Variants in ROBO2 observed in about 807,000 individuals in gnomAD.
The protein encoded by ROBO2 is roundabout homolog 2.
A neutral mutation model predicts 160.8 loss-of-function variants in ROBO2; 53 were observed. The observed-to-expected ratio is 0.33, with a 90% CI of 0.26 to 0.41. The LOEUF (loss-of-function observed/expected upper bound fraction) is 0.41. ROBO2 is among the 10% of genes least tolerant of loss of function. The pLI, the probability that ROBO2 is intolerant of heterozygous loss-of-function variation, is 1.00. For missense variants in ROBO2, 1,577 were observed against 1,722.4 expected (o/e 0.92, Z 1.49); for synonymous variants, 664 against 611.7 (o/e 1.09, Z -1.26).
chr3:76,188,216 CT>C (rs776293351), intron 2 of ROBO2, among the ~76,000 whole-genome samples: 77 of 152,006 alleles, frequency 5.1e-4, no homozygotes, highest in Non-Finnish European at 7.9e-4. Context: ...TGAATGTGAC[CT>C]TTTTGGAAAC....
intron 2 of ROBO2, among the ~76,000 whole-genome samples, chr3:76,867,208 T>A (rs761870736): frequency 6.6e-6 from 1 of 152,174 alleles, no homozygotes; most frequent in Non-Finnish European, 1.5e-5. Flanking sequence ...TTGAACTTTG[T>A]TCTCCAGGAA....
At chr3:76,041,504 C>A (rs2067272755) in intron 2 of ROBO2, among the ~76,000 whole-genome samples, 1 of 152,002 alleles carries the variant, frequency 6.6e-6, no homozygotes, top group African/African-American at 2.4e-5. Context: ...GTCTGTATGT[C>A]AAATGCATTA....
At chr3:76,336,822 A>G (rs1280221534) in intron 2 of ROBO2, among the ~76,000 whole-genome samples, 1 of 152,174 alleles carries the variant, frequency 6.6e-6, no homozygotes, top group Non-Finnish European at 1.5e-5. Context: ...TCGTAAGAGC[A>G]TTTAACAGGA....
intron 2 of ROBO2, among the ~76,000 whole-genome samples, chr3:77,105,770 C>T (rs2072709726): frequency 6.6e-6 from 1 of 152,150 alleles, no homozygotes; most frequent in Non-Finnish European, 1.5e-5. Context: ...CTCTGACTCC[C>T]AGGAAAGCAC....
chr3:77,370,910 A>C (rs371526246), intron 2 of ROBO2, among the ~76,000 whole-genome samples: 2 of 152,138 alleles, frequency 1.3e-5, no homozygotes, highest in Non-Finnish European at 2.9e-5. Context: ...TCTCTGCCCT[A>C]GATAGTCCAG....
At chr3:76,650,491 T>G (rs1560305526) in intron 2 of ROBO2, among the ~76,000 whole-genome samples, 1 of 151,746 alleles carries the variant, frequency 6.6e-6, no homozygotes, top group Non-Finnish European at 1.5e-5. Context: ...CTTTTTTTTT[T>G]TATTTTTTTC....
intron 2 of ROBO2, among the ~76,000 whole-genome samples, chr3:77,125,322 G>A (rs968590725): frequency 4.6e-5 from 7 of 152,146 alleles, no homozygotes; most frequent in African/African-American, 1.7e-4. Flanking sequence ...TATAGTGAAG[G>A]AAGAGATTTG....
At position 76,125,551 on chromosome 3, in the gene ROBO2, C is replaced by T. The variant is rs142332804; in HGVS notation, c.109+187949C>T. Among the ~76,000 whole-genome samples, 13 of 152,058 alleles carry T rather than the reference C, an allele frequency of 8.5e-5. No homozygotes were observed. In the East Asian group the frequency reaches 1.2e-3, roughly 14 times the overall value. ...AACAACAGCCATTCTGACTGGTCTGCGGTGTTATCTCATTGTGGTTTGGAT... is the reference window on the plus strand; with the variant it reads ...AACAACAGCCATTCTGACTGGTCTGTGGTGTTATCTCATTGTGGTTTGGAT... On this transcript the variant is annotated intron_variant, in intron 2 of 26. Transcript: ENST00000487694.
intron 2 of ROBO2, among the ~76,000 whole-genome samples, chr3:76,010,162 A>C (rs2066153174): frequency 6.6e-6 from 1 of 152,246 alleles, no homozygotes; most frequent in Non-Finnish European, 1.5e-5. Flanking sequence ...CCTGGGGCTT[A>C]GTCCAGAGGA....
At chr3:76,191,118 C>T (rs1161795838) in intron 2 of ROBO2, among the ~76,000 whole-genome samples, 1 of 152,068 alleles carries the variant, frequency 6.6e-6, no homozygotes, top group African/African-American at 2.4e-5. Flanking sequence ...CAGGTTTAGA[C>T]TACAGAGCAA....
chr3:76,328,369 T>A (rs1465156163), intron 2 of ROBO2, among the ~76,000 whole-genome samples: 2 of 152,222 alleles, frequency 1.3e-5, no homozygotes, highest in African/African-American at 4.8e-5. Flanking sequence ...CAATTCAACG[T>A]TAGGTACTAG....
At chr3:76,142,941 CACAAAA>C (rs1327505087) in intron 2 of ROBO2, among the ~76,000 whole-genome samples, 3 of 149,180 alleles carry the variant, frequency 2.0e-5, no homozygotes, top group Non-Finnish European at 3.0e-5. Flanking sequence ...ACTATGTACC[CACAAAA>C]ATAAAAATAA....
In ROBO2 at chr3:76,579,801, AAAAG is replaced by A. The variant is rs1340833775; in HGVS notation, c.110-518201_110-518198del. ...GGTTGAGTTACAAAAAAAAAAAAAA[AAAAG>A]AAAGAAAGAAAACAAAACTTTGAGT... On this transcript the variant is annotated intron_variant, in intron 2 of 26. Coordinates refer to the ROBO2 transcript ENST00000487694. Among the ~76,000 whole-genome samples the A allele has an allele frequency of 5.4e-4, 81 of 151,304 alleles. 1 individual carries two copies. The highest frequency in any genetic ancestry group is 1.8e-3 in the African/African-American group (76 of 41,208).
At chr3:77,419,244 A>C (rs1241307176) in intron 2 of ROBO2, among the ~76,000 whole-genome samples, 1 of 152,098 alleles carries the variant, frequency 6.6e-6, no homozygotes, top group Admixed American at 6.6e-5. Context: ...AGATACATTG[A>C]CCTATCTAAT....
chr3:77,413,218 T>A (rs981040110), intron 2 of ROBO2, among the ~76,000 whole-genome samples: 1 of 151,778 alleles, frequency 6.6e-6, no homozygotes, highest in Non-Finnish European at 1.5e-5. Flanking sequence ...TGTTTTAGGA[T>A]GAAACTCTAA....
intron 2 of ROBO2, among the ~76,000 whole-genome samples, chr3:76,070,362 C>T (rs892052261): frequency 2.0e-5 from 3 of 152,050 alleles, no homozygotes; most frequent in South Asian, 2.1e-4. Flanking sequence ...CTCTTATGTT[C>T]GACATTGCAG....
chr3:76,625,607 G>A (rs2089581295), intron 2 of ROBO2, among the ~76,000 whole-genome samples: 1 of 152,126 alleles, frequency 6.6e-6, no homozygotes, highest in Admixed American at 6.5e-5. Flanking sequence ...AAAAAAGGAA[G>A]TAAAGGAGGA....
At chr3:76,346,059 G>A (rs550751293) in intron 2 of ROBO2, among the ~76,000 whole-genome samples, 2 of 152,066 alleles carry the variant, frequency 1.3e-5, no homozygotes, top group South Asian at 2.1e-4. Flanking sequence ...AGTTAGCTCC[G>A]GCTTTGATCA....
intron 2 of ROBO2, among the ~76,000 whole-genome samples, chr3:77,023,538 T>C (rs1578324479): frequency 6.6e-6 from 1 of 152,352 alleles, no homozygotes; most frequent in East Asian, 1.9e-4. Context: ...AGACATATTA[T>C]GATTGGACAA....
Sources: gnomAD v4.1 joint callset for allele counts (sites outside exome capture counted in the v4.1 genomes callset) on GRCh38, gnomAD v4.1.1 for gene constraint, MANE v1.5 for transcripts, NCBI Gene and HGNC (gene_info 2026-07-23, HGNC 2026-07-21) for gene names.